The following NEDD4L variants were observed in gnomAD, a reference collection of about 807,000 sequenced individuals.
NEDD4L encodes E3 ubiquitin-protein ligase NEDD4-like.
Under a neutral mutation model 148.9 loss-of-function variants are expected in NEDD4L, and 54 were observed. The ratio of observed to expected loss-of-function variants is 0.36; its 90% CI spans 0.29 to 0.45. The LOEUF (loss-of-function observed/expected upper bound fraction) is 0.45. Ranked by LOEUF, NEDD4L falls within the 20% of genes least tolerant of loss-of-function variation. The probability of loss-of-function intolerance (pLI) is 1.00; values close to 1 mark genes in which losing one functional copy is unlikely to be tolerated. For synonymous variants in NEDD4L, 433 were observed against 440.7 expected (o/e 0.98, Z 0.22); for missense variants, 856 against 1,233.8 (o/e 0.69, Z 4.59).
intron 5 of NEDD4L, among the ~76,000 whole-genome samples, chr18:58,278,022 G>A (rs2052405992): frequency 6.6e-6 from 1 of 151,916 alleles, no homozygotes; most frequent in African/African-American, 2.4e-5. Context: ...AAACTCCTCA[G>A]AAATATTTTC....
chr18:58,255,979 C>A, intron 5 of NEDD4L: 1 of 1,230,808 alleles, frequency 8.1e-7, no homozygotes. Flanking sequence ...CCGAGGGCGC[C>A]GACGATGGGC....
Position 58,044,682 on chromosome 18 carries a change from C to T in NEDD4L, c.22C>T (p.Pro8Ser), listed in dbSNP as rs2144325752. MATGLGE[P>S]VYGLSEDEGE... is the part of the protein sequence containing the mutation. ...CTCCATGGCGACCGGGCTCGGGGAG[C>T]CGGTCTATGGACTTTCCGAAGACGA... is the stretch of plus-strand genomic sequence containing the variant. The change falls in exon 1 of 31, where the codon CCG becomes TCG. Residue 8 changes from proline to serine, a missense_variant. Physicochemically the swap from Pro to Ser is moderately conservative, Grantham distance 74. Around this residue, in one of 4 missense-constraint regions of NEDD4L, gnomAD observed 193 missense variants for 244.2 expected, o/e 0.79. Coordinates refer to ENST00000400345, the MANE Select transcript of NEDD4L (RefSeq NM_001144967.3). The T allele has an allele frequency of 1.2e-6, 2 of 1,605,016 alleles. No homozygotes were observed. Among genetic ancestry groups the T allele is most frequent in the Admixed American group, 1.7e-5 (1 of 59,282 alleles).
chr18:58,255,653 C>T, intron 5 of NEDD4L: 1 of 1,232,510 alleles, frequency 8.1e-7, no homozygotes. Flanking sequence ...GGCCCATCGG[C>T]TTCGGTTTCA....
intron 28 of NEDD4L, chr18:58,389,495 A>G (rs918795048): frequency 1.2e-4 from 28 of 242,528 alleles, no homozygotes; most frequent in Admixed American, 1.1e-4. Flanking sequence ...CGTAAATAGA[A>G]ATGGGGGGCT....
chr18:58,174,473 G>A (rs1022120051), intron 2 of NEDD4L, among the ~76,000 whole-genome samples: 4 of 152,242 alleles, frequency 2.6e-5, no homozygotes, highest in Middle Eastern at 3.4e-3. Flanking sequence ...CTGCCCAGGC[G>A]TTTGGCTGCT....
Position 58,320,217 on chromosome 18 carries a change from A to G in NEDD4L, c.349-2208A>G, listed in dbSNP as rs553456434. Among the ~76,000 whole-genome samples the G allele has an allele frequency of 2.6e-5, 4 of 152,180 alleles. No homozygotes were observed. In the South Asian group the frequency reaches 8.3e-4, roughly 32 times the overall value. On this transcript the variant is annotated intron_variant, in intron 6 of 30. Coordinates refer to ENST00000400345, the MANE Select transcript of NEDD4L (RefSeq NM_001144967.3). ...CACTGGTGATCCTGTAGGCTTTGTC[A>G]TACTGTTTGATTTCCTATGTTTAAA...
At chr18:58,261,271 T>A (rs2049339317) in intron 5 of NEDD4L, among the ~76,000 whole-genome samples, 1 of 152,240 alleles carries the variant, frequency 6.6e-6, no homozygotes, top group Non-Finnish European at 1.5e-5. Context: ...TTTACTGTGT[T>A]GATTTTGAAG....
chr18:58,257,827 C>T (rs1386812604), intron 5 of NEDD4L, among the ~76,000 whole-genome samples: 2 of 152,232 alleles, frequency 1.3e-5, no homozygotes, highest in East Asian at 1.9e-4. Context: ...AGAACAAGCT[C>T]CTTATATTTT....
In NEDD4L at chr18:58,349,590, C is replaced by A. The variant is rs768327011; in HGVS notation, c.1629C>A (p.Asn543Lys). ...PVHMRSKTSL[N>K]PNDLGPLPPG... ...ATATGCGGTCAAAGACATCTTTAAA[C>A]CCCAATGACCTTGGCCCCCTTCCTG... is the stretch of plus-strand genomic sequence containing the variant. Residue 543 changes from asparagine to lysine, a missense_variant, in exon 17 of 31, where the codon AAC (asparagine) becomes AAA (lysine). Around this residue, in one of 4 missense-constraint regions of NEDD4L, gnomAD observed 286 missense variants for 531.8 expected, o/e 0.54. Coordinates refer to ENST00000400345, the MANE Select transcript of NEDD4L (RefSeq NM_001144967.3). 2.2e-5 allele frequency: 35 copies of A among 1,613,798 alleles called. No homozygotes were observed. Among genetic ancestry groups the A allele is most frequent in the Non-Finnish European group, 1.7e-6 (2 of 1,179,790 alleles).
chr18:58,163,036 C>T (rs2036412061), intron 1 of NEDD4L, among the ~76,000 whole-genome samples: 1 of 150,854 alleles, frequency 6.6e-6, no homozygotes, highest in African/African-American at 2.5e-5. Context: ...TGCACTCCAC[C>T]TTGGGTGATA....
At chr18:58,257,198 G>A (rs930625552) in intron 5 of NEDD4L, among the ~76,000 whole-genome samples, 4 of 152,060 alleles carry the variant, frequency 2.6e-5, no homozygotes, top group Admixed American at 2.0e-4. Flanking sequence ...ATCAGTTCTC[G>A]GAAAGGGGAG....
chr18:58,120,535 GT>G (rs2086167572), intron 1 of NEDD4L, among the ~76,000 whole-genome samples: 3 of 152,016 alleles, frequency 2.0e-5, no homozygotes, highest in Admixed American at 2.0e-4. Flanking sequence ...ATCCCAGCAC[GT>G]TGGGAGGCTG....
intron 5 of NEDD4L, among the ~76,000 whole-genome samples, chr18:58,274,355 G>A (rs939710120): frequency 1.8e-4 from 27 of 152,210 alleles, no homozygotes; most frequent in African/African-American, 6.5e-4. Flanking sequence ...TTAGTCCTGG[G>A]AGGTTCGAAC....
chr18:58,106,049 A>T (rs1053106598), intron 1 of NEDD4L, among the ~76,000 whole-genome samples: 3 of 152,214 alleles, frequency 2.0e-5, no homozygotes, highest in African/African-American at 4.8e-5. Flanking sequence ...CTGTAGAAAG[A>T]TCATTCTTGG....
At chr18:58,388,327 A>G (rs1054129872) in intron 27 of NEDD4L, 2 of 152,216 alleles carry the variant, frequency 1.3e-5, no homozygotes, top group African/African-American at 4.8e-5. Context: ...GTCTATAGAA[A>G]TCATATACCT....
At chr18:58,335,433 G>T (rs560442451) in intron 12 of NEDD4L, 45 bp from the exon 13 acceptor site, 36 of 1,520,956 alleles carry the variant, frequency 2.4e-5, no homozygotes, top group Non-Finnish European at 3.0e-5. Flanking sequence ...ACAGCAGGGG[G>T]TCATCCCCTA....
intron 19 of NEDD4L, among the ~76,000 whole-genome samples, chr18:58,359,346 A>G (rs1288215075): frequency 6.6e-6 from 1 of 151,908 alleles, no homozygotes; most frequent in Admixed American, 6.6e-5. Flanking sequence ...TTGTATTCTT[A>G]TAGCTCTCAC....
intron 1 of NEDD4L, among the ~76,000 whole-genome samples, chr18:58,057,426 G>C (rs1287108786): frequency 1.3e-5 from 2 of 152,168 alleles, no homozygotes; most frequent in African/African-American, 4.8e-5. Flanking sequence ...ACAGCTGGGA[G>C]CGTTTGCTTT....
At position 58,345,922 on chromosome 18, in the gene NEDD4L, TG is replaced by T. The variant is rs1311532159; in HGVS notation, c.1575+2820del. Among the ~76,000 whole-genome samples the T allele has an allele frequency of 4.7e-4, 36 of 77,414 alleles. 1 individual carries two copies. The highest frequency in any genetic ancestry group is 1.6e-3 in the Admixed American group (11 of 6,920). 50.8% of individuals were successfully genotyped at this position (77,414 alleles called of 152,430 possible). A position where few individuals can be genotyped will look rare whatever the true frequency, so the allele number is the denominator to read the frequency against. ...ACACCAGCTAATTTTTGTTGTTTTT[TG>T]TTTTTTGTTTTTTTTAGCACAGACA... On this transcript the variant is annotated intron_variant, in intron 16 of 30. Transcript: ENST00000400345.
Sources: gnomAD v4.1 joint callset for allele counts (sites outside exome capture counted in the v4.1 genomes callset) on GRCh38, gnomAD v4.1.1 for gene constraint, gnomAD v4.1.1 regional missense constraint, MANE v1.5 for transcripts, NCBI Gene and HGNC (gene_info 2026-07-23, HGNC 2026-07-21) for gene names.